The following KCNJ6 variants were observed in gnomAD, a reference collection of about 807,000 sequenced individuals.
The protein encoded by KCNJ6 is G protein-activated inward rectifier potassium channel 2.
In KCNJ6, 9 loss-of-function variants were observed where a neutral mutation model predicts 34.2. The ratio of observed to expected loss-of-function variants is 0.26; its 90% CI spans 0.16 to 0.46. KCNJ6 has a LOEUF of 0.46. KCNJ6 is among the 20% of genes least tolerant of loss of function. The pLI is 1.00. For synonymous variants in KCNJ6, 196 were observed against 207.1 expected (o/e 0.95, Z 0.46); for missense variants, 236 against 531.3 (o/e 0.44, Z 5.46).
At chr21:37,820,126 G>T (rs1412752242) in intron 2 of KCNJ6, among the ~76,000 whole-genome samples, 1 of 152,066 alleles carries the variant, frequency 6.6e-6, no homozygotes, top group African/African-American at 2.4e-5. Flanking sequence ...AAGCTGTATG[G>T]AAAAGAAAAC....
At chr21:37,697,151 T>C (rs980229708) in intron 3 of KCNJ6, among the ~76,000 whole-genome samples, 2 of 152,122 alleles carry the variant, frequency 1.3e-5, no homozygotes, top group African/African-American at 4.8e-5. Context: ...ATAAGACGAT[T>C]GTTTGACCAC....
intron 1 of KCNJ6, among the ~76,000 whole-genome samples, chr21:37,854,956 A>G (rs2055557292): frequency 1.3e-5 from 2 of 152,238 alleles, no homozygotes; most frequent in African/African-American, 4.8e-5. Context: ...TAGGACAACT[A>G]CAGAGAAAAT....
intron 2 of KCNJ6, among the ~76,000 whole-genome samples, chr21:37,756,842 AG>A (rs2055030261): frequency 2.8e-4 from 20 of 72,204 alleles, no homozygotes; most frequent in African/African-American, 5.9e-4. Flanking sequence ...ATTCCAGCCC[AG>A]AGTGAGCACT....
chr21:37,739,159 A>G (rs2054927319), intron 2 of KCNJ6, among the ~76,000 whole-genome samples: 1 of 152,250 alleles, frequency 6.6e-6, no homozygotes, highest in Admixed American at 6.5e-5. Context: ...TAATTGTCAT[A>G]CCAATTACAT....
At chr21:37,748,148 C>T (rs745573661) in intron 2 of KCNJ6, among the ~76,000 whole-genome samples, 11 of 152,154 alleles carry the variant, frequency 7.2e-5, no homozygotes, top group Non-Finnish European at 1.3e-4. Context: ...ACCCCAGGTA[C>T]GGGTGGTGTC....
chr21:37,723,480 C>T (rs964326373), intron 2 of KCNJ6, among the ~76,000 whole-genome samples: 7 of 152,102 alleles, frequency 4.6e-5, no homozygotes, highest in African/African-American at 7.2e-5. Flanking sequence ...GTATGTTCAT[C>T]GCAGCATTAT....
chr21:37,812,573 G>C (rs9983414), intron 2 of KCNJ6, among the ~76,000 whole-genome samples: 103,912 of 152,032 alleles, frequency 0.68, 36,251 homozygotes, highest in South Asian at 0.78. Context: ...TCATCATGAC[G>C]AAGTGGGATT....
chr21:37,875,127 G>A (rs543863285), intron 1 of KCNJ6, among the ~76,000 whole-genome samples: 1 of 152,276 alleles, frequency 6.6e-6, no homozygotes, highest in South Asian at 2.1e-4. Context: ...TCAGCCATAA[G>A]TGATTCTAGA....
At chr21:37,791,231 T>C (rs540698867) in intron 2 of KCNJ6, among the ~76,000 whole-genome samples, 12 of 152,288 alleles carry the variant, frequency 7.9e-5, no homozygotes, top group African/African-American at 2.9e-4. Context: ...AACCTTACAT[T>C]TGGGGGCATT....
chr21:37,748,334 G>A (rs903577558), intron 2 of KCNJ6, among the ~76,000 whole-genome samples: 4 of 152,136 alleles, frequency 2.6e-5, no homozygotes, highest in Non-Finnish European at 4.4e-5. Context: ...GTTAATTGCC[G>A]CAGAACTGCA....
intron 3 of KCNJ6, among the ~76,000 whole-genome samples, chr21:37,637,254 G>A (rs917892467): frequency 3.9e-5 from 6 of 152,138 alleles, no homozygotes; most frequent in Non-Finnish European, 5.9e-5. Context: ...GCCAACTGCC[G>A]AACATTTAAA....
At chr21:37,704,872 C>T (rs1446817004) in intron 3 of KCNJ6, among the ~76,000 whole-genome samples, 3 of 151,956 alleles carry the variant, frequency 2.0e-5, no homozygotes, top group South Asian at 2.1e-4. Flanking sequence ...GTCAGCTGGC[C>T]GCACTTTGGG....
intron 1 of KCNJ6, among the ~76,000 whole-genome samples, chr21:37,868,025 T>C (rs1334090110): frequency 1.3e-5 from 2 of 152,172 alleles, no homozygotes; most frequent in African/African-American, 4.8e-5. Flanking sequence ...GGTGCAGGAA[T>C]GGGGACCATC....
chr21:37,878,495 C>A (rs1245373547), intron 1 of KCNJ6, among the ~76,000 whole-genome samples: 1 of 152,224 alleles, frequency 6.6e-6, no homozygotes, highest in Non-Finnish European at 1.5e-5. Context: ...GCCAGCCTGC[C>A]CTTCCAGCAG....
intron 1 of KCNJ6, among the ~76,000 whole-genome samples, chr21:37,898,571 A>G (rs1420960575): frequency 1.3e-5 from 2 of 151,586 alleles, no homozygotes; most frequent in Admixed American, 1.3e-4. Context: ...GACAGAGCAA[A>G]GACTCCATCT....
In KCNJ6 at chr21:37,870,348, G is replaced by A. The variant is rs147370133; in HGVS notation, c.-27-29639C>T. ...CAATAGCCAGCATTAAACAGAGATC[G>A]CAGGAGTGGAACAGACCTTTTAAGC... On this transcript the variant is annotated intron_variant, in intron 1 of 3. Transcript: ENST00000609713. Among the ~76,000 whole-genome samples, 115 of 152,136 alleles carry A rather than the reference G, an allele frequency of 7.6e-4. 1 individual carries two copies. Among genetic ancestry groups the A allele is most frequent in the Non-Finnish European group, 4.4e-4 (30 of 68,008 alleles).
chr21:37,893,997 T>C (rs956550294), intron 1 of KCNJ6, among the ~76,000 whole-genome samples: 2 of 152,228 alleles, frequency 1.3e-5, no homozygotes, highest in East Asian at 1.9e-4. Flanking sequence ...AATCTTAACA[T>C]GATCTGTTAA....
chr21:37,877,103 G>C lies in KCNJ6; in HGVS notation c.-27-36394C>G, dbSNP rs144312756. 2.6e-5 allele frequency among the ~76,000 whole-genome samples: 4 copies of C among 152,280 alleles called. No individual in the cohort carries two copies. In the East Asian group the frequency reaches 7.7e-4, roughly 29 times the overall value. ...CCTGGATGTCATTGAAACACTATTT[G>C]CATGTGCTATAGTGAACCCAGAATG... On this transcript the variant is annotated intron_variant, in intron 1 of 3. Coordinates refer to ENST00000609713, the MANE Select transcript of KCNJ6 (RefSeq NM_002240.5).
At chr21:37,858,369 G>A (rs1370493196) in intron 1 of KCNJ6, among the ~76,000 whole-genome samples, 4 of 133,340 alleles carry the variant, frequency 3.0e-5, no homozygotes, top group African/African-American at 8.3e-5. Context: ...CTCCAGCCTG[G>A]GCGACAGAGC....
Sources: allele counts gnomAD v4.1 joint callset (sites outside exome capture counted in the v4.1 genomes callset), GRCh38; gene constraint gnomAD v4.1.1; transcripts MANE v1.5; gene names NCBI Gene and HGNC (gene_info 2026-07-23, HGNC 2026-07-21).